Variants in GRID2 observed in about 807,000 individuals in gnomAD.
GRID2 encodes glutamate ionotropic receptor delta type subunit 2.
A neutral mutation model predicts 114.8 loss-of-function variants in GRID2; 33 were observed. The observed-to-expected ratio is 0.29, with a 90% CI of 0.22 to 0.38. GRID2 has a LOEUF of 0.38. Among genes scored for constraint, GRID2 ranks in the 10% least tolerant of loss-of-function variants. The pLI is 1.00. For synonymous variants in GRID2, 505 were observed against 449.9 expected, an observed-to-expected ratio of 1.12 and a Z score of -1.55; for missense variants, 1,184 against 1,257.7, an observed-to-expected ratio of 0.94 and a Z score of 0.89.
chr4:93,428,999 G>A (rs1444431225), intron 10 of GRID2, among the ~76,000 whole-genome samples: 1 of 152,160 alleles, frequency 6.6e-6, no homozygotes, highest in Non-Finnish European at 1.5e-5. Flanking sequence ...TTACTGATGT[G>A]TCAGTTGATT....
intron 14 of GRID2, among the ~76,000 whole-genome samples, chr4:93,652,806 AAAAAAATGAAC>A (rs1722698048): frequency 8.8e-6 from 1 of 113,958 alleles, no homozygotes; most frequent in African/African-American, 3.1e-5. Flanking sequence ...AAAAAAAAAA[AAAAAAATGAAC>A]TGGAACAAAA....
intron 2 of GRID2, among the ~76,000 whole-genome samples, chr4:92,897,974 C>T (rs903613011): frequency 1.2e-4 from 18 of 152,190 alleles, no homozygotes; most frequent in African/African-American, 2.9e-4. Flanking sequence ...AAGAGATTCA[C>T]GTATCCAACA....
At chr4:93,763,498 TTGA>T (rs890421592) in intron 14 of GRID2, among the ~76,000 whole-genome samples, 9 of 152,188 alleles carry the variant, frequency 5.9e-5, no homozygotes, top group African/African-American at 1.9e-4. Flanking sequence ...AGGAAACATA[TTGA>T]TGAGACGTTT....
chr4:92,536,893 T>C (rs2149158321), intron 1 of GRID2, among the ~76,000 whole-genome samples: 1 of 152,290 alleles, frequency 6.6e-6, no homozygotes, highest in East Asian at 1.9e-4. Context: ...ATGAATACCC[T>C]AGATGAGTAG....
At chr4:92,470,727 G>T (rs910100024) in intron 1 of GRID2, among the ~76,000 whole-genome samples, 1 of 151,852 alleles carries the variant, frequency 6.6e-6, no homozygotes, top group Non-Finnish European at 1.5e-5. Flanking sequence ...TTTCAATAAT[G>T]GCCAAAGACA....
chr4:93,219,158 G>C (rs75601590), intron 6 of GRID2, among the ~76,000 whole-genome samples: 1 of 152,054 alleles, frequency 6.6e-6, no homozygotes, highest in African/African-American at 2.4e-5. Flanking sequence ...TAGAAAAAAA[G>C]GAAAGAATTT....
chr4:93,271,359 A>T (rs930686938), intron 8 of GRID2, among the ~76,000 whole-genome samples: 1 of 152,124 alleles, frequency 6.6e-6, no homozygotes, highest in Admixed American at 6.6e-5. Flanking sequence ...GAAAGTTGTA[A>T]ATCTAGGACC....
At chr4:93,213,955 C>G (rs2067069594) in intron 5 of GRID2, among the ~76,000 whole-genome samples, 2 of 151,940 alleles carry the variant, frequency 1.3e-5, no homozygotes, top group Non-Finnish European at 2.9e-5. Context: ...AAAAGGCTTC[C>G]TTAGCCTAAA....
intron 2 of GRID2, among the ~76,000 whole-genome samples, chr4:92,611,692 C>G (rs1347329613): frequency 2.6e-5 from 4 of 151,582 alleles, no homozygotes; most frequent in African/African-American, 4.8e-5. Context: ...ATTTTTGCCA[C>G]TTTTGTAAAA....
At chr4:92,551,740 C>T (rs1196412139) in intron 1 of GRID2, among the ~76,000 whole-genome samples, 2 of 152,010 alleles carry the variant, frequency 1.3e-5, no homozygotes, top group African/African-American at 2.4e-5. Context: ...TAACATCAGA[C>T]AATTATAAAC....
At chr4:92,879,820 A>G (rs1473680287) in intron 2 of GRID2, among the ~76,000 whole-genome samples, 2 of 152,260 alleles carry the variant, frequency 1.3e-5, no homozygotes, top group Non-Finnish European at 2.9e-5. Flanking sequence ...TACCTGGATT[A>G]GTGGTGAAAC....
chr4:92,721,906 A>G (rs764289712), intron 2 of GRID2, among the ~76,000 whole-genome samples: 1 of 152,168 alleles, frequency 6.6e-6, no homozygotes, highest in African/African-American at 2.4e-5. Flanking sequence ...TAAACATATC[A>G]TTGACCAGCA....
At chr4:92,477,739 A>G (rs898744700) in intron 1 of GRID2, among the ~76,000 whole-genome samples, 2 of 148,278 alleles carry the variant, frequency 1.3e-5, no homozygotes, top group Non-Finnish European at 3.0e-5. Context: ...TAAACAGGGT[A>G]TATATGTTTA....
At chr4:92,506,348 G>A (rs1246830306) in intron 1 of GRID2, among the ~76,000 whole-genome samples, 1 of 151,970 alleles carries the variant, frequency 6.6e-6, no homozygotes, top group Non-Finnish European at 1.5e-5. Flanking sequence ...AAGTGACTAT[G>A]TGACACAATA....
intron 10 of GRID2, among the ~76,000 whole-genome samples, chr4:93,453,185 T>C (rs577779807): frequency 6.0e-4 from 91 of 151,886 alleles, no homozygotes; most frequent in African/African-American, 2.1e-3. Context: ...TTTGCTTCAG[T>C]GCAGCACCTC....
chr4:93,050,769 A>C (rs1205792925), intron 2 of GRID2, among the ~76,000 whole-genome samples: 1 of 152,030 alleles, frequency 6.6e-6, no homozygotes, highest in Non-Finnish European at 1.5e-5. Flanking sequence ...AAGTACTATC[A>C]AATTGAACTG....
chr4:93,010,250 CT>C (rs1412648178), intron 2 of GRID2, among the ~76,000 whole-genome samples: 1 of 152,076 alleles, frequency 6.6e-6, no homozygotes, highest in African/African-American at 2.4e-5. Context: ...ATTCCACCAT[CT>C]TTACCTACAT....
chr4:93,082,969 C>T (rs1486524116), intron 2 of GRID2, among the ~76,000 whole-genome samples: 10 of 152,076 alleles, frequency 6.6e-5, no homozygotes, highest in Admixed American at 6.6e-4. Flanking sequence ...AGACAATTTT[C>T]CTGTCATGTT....
intron 11 of GRID2, among the ~76,000 whole-genome samples, chr4:93,488,871 T>C (rs1726685033): frequency 6.6e-6 from 1 of 151,916 alleles, no homozygotes; most frequent in Admixed American, 6.6e-5. Context: ...AGGACACCAG[T>C]CATATCGGAT....
Sources: gnomAD v4.1 joint callset for allele counts (sites outside exome capture counted in the v4.1 genomes callset) on GRCh38, gnomAD v4.1.1 for gene constraint, MANE v1.5 for transcripts, NCBI Gene and HGNC (gene_info 2026-07-23, HGNC 2026-07-21) for gene names.